STAP1: variants seen among roughly 807,000 people sequenced by gnomAD.
The protein encoded by STAP1 is signal transducing adaptor family member 1, also known as signal-transducing adaptor protein 1.
A neutral mutation model predicts 37.8 loss-of-function variants in STAP1; 30 were observed. The observed-to-expected ratio is 0.79, with a 90% CI of 0.59 to 1.08. The LOEUF is 1.08. Ranked by LOEUF, STAP1 falls within the 50% of genes least tolerant of loss-of-function variation. The pLI is 0.00. For synonymous variants in STAP1, 130 were observed against 116.0 expected (o/e 1.12, Z -0.78); for missense variants, 357 against 349.4 (o/e 1.02, Z -0.17).
rs765277005 is a variant in STAP1 at position 67,581,328 on chromosome 4, A to G, written c.387A>G (p.Ser129=). 2.5e-6 allele frequency: 4 copies of G among 1,612,504 alleles called. No homozygotes were observed. Among genetic ancestry groups the G allele is most frequent in the Non-Finnish European group, 2.5e-6 (3 of 1,179,612 alleles). ...VTELSVPQNV[S]LLPGQVIKLH... is the part of the protein sequence containing the mutation. ...AGCTGTCAGTTCCCCAAAACGTGTC[A>G]CTCCTACCTGGGCAAGTAATTAAAC... Residue 129 remains serine, a synonymous_variant, in exon 5 of 9, where the codon TCA becomes TCG. Transcript: ENST00000265404.
chr4:67,603,613 G>A (rs1463852586), intron 8 of STAP1, among the ~76,000 whole-genome samples: 1 of 152,044 alleles, frequency 6.6e-6, no homozygotes, highest in Non-Finnish European at 1.5e-5. Flanking sequence ...TGCCAGGACT[G>A]AGTCCTTCCC....
chr4:67,560,347 G>A (rs574403474), intron 1 of STAP1, among the ~76,000 whole-genome samples: 1 of 152,078 alleles, frequency 6.6e-6, no homozygotes, highest in East Asian at 1.9e-4. Flanking sequence ...TGCCTCCTAA[G>A]GTACATTCTA....
intron 6 of STAP1, among the ~76,000 whole-genome samples, chr4:67,588,630 C>T (rs538629589): frequency 3.3e-5 from 5 of 152,106 alleles, no homozygotes; most frequent in East Asian, 1.9e-4. Flanking sequence ...AGGATGGTCT[C>T]GATCTCCTGA....
At chr4:67,584,351 T>C (rs1357778752) in intron 6 of STAP1, among the ~76,000 whole-genome samples, 1 of 152,076 alleles carries the variant, frequency 6.6e-6, no homozygotes, top group East Asian at 1.9e-4. Context: ...TTGGTTTGAG[T>C]TGATTAGCAA....
rs1188430911 is a variant in STAP1, at chr4:67,558,843, C to G, written c.34C>G (p.Arg12Gly). The change falls in exon 1 of 9, where the codon CGC becomes GGC. Residue 12 changes from arginine to glycine, a missense_variant. Transcript: ENST00000265404. ...MAKKPPKPAP[R>G]RIFQERLKIT... ...TAAGAAGCCCCCAAAACCAGCCCCT[C>G]GCAGGATCTTCCAGGAAAGGTTAAA... 5 of 1,613,456 alleles carry G rather than the reference C, an allele frequency of 3.1e-6. No individual in the cohort carries two copies. The highest frequency in any genetic ancestry group is 4.2e-6 in the Non-Finnish European group (5 of 1,179,602).
At chr4:67,603,907 C>T (rs543569916) in intron 8 of STAP1, among the ~76,000 whole-genome samples, 2 of 152,218 alleles carry the variant, frequency 1.3e-5, no homozygotes, top group South Asian at 4.1e-4. Flanking sequence ...CACTACATGT[C>T]CACTGGCTCC....
chr4:67,562,067 TCAAAAAA>T (rs1560454047), intron 1 of STAP1, among the ~76,000 whole-genome samples: 1 of 10,038 alleles, frequency 1.0e-4, no homozygotes. Flanking sequence ...CGAGACTCTG[TCAAAAAA>T]AAAAAAAAAA....
chr4:67,572,745 T>C lies in STAP1; in HGVS notation c.192+1590T>C, dbSNP rs553411515. ...AGGACCTAAGAGAGTAGCTGGCACA[T>C]AGTAAGCATTCAGGCATTTTACATG... On this transcript the variant is annotated intron_variant, in intron 2 of 8. Transcript: ENST00000265404. 2.6e-5 allele frequency among the ~76,000 whole-genome samples: 4 copies of C among 152,330 alleles called. No individual in the cohort carries two copies. In the East Asian group the frequency reaches 7.7e-4, roughly 29 times the overall value.
intron 1 of STAP1, among the ~76,000 whole-genome samples, chr4:67,570,469 T>C (rs1047917411): frequency 6.6e-6 from 1 of 152,178 alleles, no homozygotes; most frequent in African/African-American, 2.4e-5. Context: ...CACATGATTG[T>C]ATATCCTTAT....
At chr4:67,580,008 G>A (rs540744970) in intron 4 of STAP1, among the ~76,000 whole-genome samples, 37 of 152,156 alleles carry the variant, frequency 2.4e-4, no homozygotes, top group African/African-American at 8.9e-4. Context: ...TGGGATTACA[G>A]GCACATGCCA....
chr4:67,589,225 G>C (rs1160012469), intron 6 of STAP1, among the ~76,000 whole-genome samples: 1 of 152,230 alleles, frequency 6.6e-6, no homozygotes, highest in Non-Finnish European at 1.5e-5. Context: ...TAACCACCCT[G>C]AAAAGGTGCT....
At chr4:67,601,905 C>A (rs904059869) in intron 8 of STAP1, among the ~76,000 whole-genome samples, 1 of 152,034 alleles carries the variant, frequency 6.6e-6, no homozygotes, top group Non-Finnish European at 1.5e-5. Context: ...TTGGAAAGTT[C>A]TCTGTTATTC....
At chr4:67,594,475 G>A (rs572618758) in intron 8 of STAP1, among the ~76,000 whole-genome samples, 1 of 152,246 alleles carries the variant, frequency 6.6e-6, no homozygotes, top group South Asian at 2.1e-4. Context: ...TGTAAATTGT[G>A]AATGTAAGAG....
chr4:67,574,378 A>G (rs1459905479), intron 2 of STAP1, among the ~76,000 whole-genome samples: 2 of 152,146 alleles, frequency 1.3e-5, no homozygotes, highest in African/African-American at 4.8e-5. Context: ...GATATTTGAC[A>G]TGAATATTTT....
At chr4:67,572,325 G>C (rs1024618739) in intron 2 of STAP1, among the ~76,000 whole-genome samples, 10 of 152,228 alleles carry the variant, frequency 6.6e-5, no homozygotes, top group African/African-American at 9.6e-5. Context: ...AGAATCCTGA[G>C]GTTAAAACAG....
At chr4:67,568,753 A>C (rs373960025) in intron 1 of STAP1, among the ~76,000 whole-genome samples, 12 of 152,194 alleles carry the variant, frequency 7.9e-5, no homozygotes, top group African/African-American at 2.7e-4. Context: ...ACTGAACCCC[A>C]GCTATGAGCC....
At chr4:67,589,111 A>G (rs1728066747) in intron 6 of STAP1, among the ~76,000 whole-genome samples, 1 of 152,208 alleles carries the variant, frequency 6.6e-6, no homozygotes, top group Admixed American at 6.5e-5. Context: ...GCAATCCCTT[A>G]TTTAATAGGA....
chr4:67,583,666 GT>G lies in STAP1; in HGVS notation c.624del (p.Ser208ArgfsTer12), dbSNP rs1429673706. 4.3e-6 allele frequency: 7 copies of G among 1,613,550 alleles called. No homozygotes were observed. The African/African-American group carries it at 5.3e-5, about 12-fold the overall frequency. On this transcript the variant is annotated frameshift_variant, in exon 6 of 9. Coordinates refer to ENST00000265404, the MANE Select transcript of STAP1 (RefSeq NM_012108.4). LOFTEE classifies it high-confidence loss of function. Reference protein sequence around the residue: ...GNMILRPGSDSRNYSITIRQE... With the variant: ...GNMILRPGSDXRNYSITIRQE... Reference sequence around the variant, plus strand: ...ATGATCCTGAGGCCTGGTAGTGACAGTAGAAACTACTCCATCACTATTCGGC... The same window carrying G: ...ATGATCCTGAGGCCTGGTAGTGACAGAGAAACTACTCCATCACTATTCGGC...
At chr4:67,578,240 T>G (rs1727769559) in intron 4 of STAP1, among the ~76,000 whole-genome samples, 1 of 152,200 alleles carries the variant, frequency 6.6e-6, no homozygotes, top group Non-Finnish European at 1.5e-5. Flanking sequence ...TGACGTTCTT[T>G]GATAACCAGC....
Sources: gnomAD v4.1 joint callset for allele counts (sites outside exome capture counted in the v4.1 genomes callset) on GRCh38, gnomAD v4.1.1 for gene constraint, MANE v1.5 for transcripts, NCBI Gene and HGNC (gene_info 2026-07-23, HGNC 2026-07-21) for gene names.